ADAMTS2: variants seen among roughly 807,000 people sequenced by gnomAD.
ADAMTS2 encodes the protein ADAM metallopeptidase with thrombospondin type 1 motif 2.
ADAMTS2 carries 50 observed loss-of-function variants against 123.0 expected under a neutral mutation model. That is an observed-to-expected ratio of 0.41 (90% CI 0.32 to 0.51). The LOEUF (loss-of-function observed/expected upper bound fraction) is 0.51, where lower values mean the gene tolerates loss of function less well. ADAMTS2 is among the 20% of genes least tolerant of loss of function. ADAMTS2 has a pLI of 0.35. For missense variants in ADAMTS2, 1,494 were observed against 1,705.2 expected, an observed-to-expected ratio of 0.88 and a Z score of 2.18; for synonymous variants, 678 against 695.4, an observed-to-expected ratio of 0.98 and a Z score of 0.39.
chr5:179,291,195 C>T lies in ADAMTS2; in HGVS notation c.535-18131G>A, dbSNP rs1290742689. ...CACATCAGACAGAATGAGTGCGGGG[C>T]TCTGGGATACAGCTGCCCAAGCCTC... On this transcript the variant is annotated intron_variant, in intron 2 of 21. Transcript: ENST00000251582. Among the ~76,000 whole-genome samples, 3 of 152,198 alleles carry T rather than the reference C, an allele frequency of 2.0e-5. No individual in the cohort carries two copies. The East Asian group carries it at 5.8e-4, about 29-fold the overall frequency.
intron 12 of ADAMTS2, among the ~76,000 whole-genome samples, chr5:179,136,873 G>A (rs1262806981): frequency 6.6e-6 from 1 of 152,030 alleles, no homozygotes; most frequent in Non-Finnish European, 1.5e-5. Context: ...AGGAGGCTGA[G>A]GCAGGAGAAT....
chr5:179,322,048 T>C (rs1479574899), intron 2 of ADAMTS2, among the ~76,000 whole-genome samples: 1 of 152,274 alleles, frequency 6.6e-6, no homozygotes, highest in Non-Finnish European at 1.5e-5. Context: ...TGTCATTAAG[T>C]ATGTTTACAC....
chr5:179,258,112 G>A (rs1345417187), intron 3 of ADAMTS2, among the ~76,000 whole-genome samples: 1 of 152,120 alleles, frequency 6.6e-6, no homozygotes, highest in Non-Finnish European at 1.5e-5. Context: ...CATCCTGGGG[G>A]CTCTGGCCTT....
chr5:179,153,737 C>T (rs1050422316), intron 8 of ADAMTS2, 114 bp from the exon 9 acceptor site: 18 of 1,409,006 alleles, frequency 1.3e-5, no homozygotes, highest in Admixed American at 4.2e-5. Flanking sequence ...CTGCACATCC[C>T]GGCCCCTGGC....
chr5:179,239,096 AATTAT>A (rs1308756630), intron 3 of ADAMTS2, among the ~76,000 whole-genome samples: 3 of 152,166 alleles, frequency 2.0e-5, no homozygotes, highest in Non-Finnish European at 4.4e-5. Flanking sequence ...ATAGTATGTG[AATTAT>A]ATCTCAATAA....
In ADAMTS2 at chr5:179,128,538, G is replaced by T. The variant is rs947361721; in HGVS notation, c.2458-420C>A. The stretch of plus-strand genomic sequence containing the variant: ...CTCCTGAGTAGCTGGGATTACAGGC[G>T]CCCGCCACCACGCCTGGCTAATTTT... On this transcript the variant is annotated intron_variant, in intron 16 of 21. Transcript: ENST00000251582. This position sits in a 1 kb window ranked among gnomAD's most constrained non-coding sequence, Gnocchi z 4.9. 6.6e-6 allele frequency among the ~76,000 whole-genome samples: 1 copy of T among 151,902 alleles called. No homozygotes were observed. Among genetic ancestry groups the T allele is most frequent in the Admixed American group, 6.6e-5 (1 of 15,262 alleles).
At chr5:179,137,703 C>CCG in intron 12 of ADAMTS2, 66 bp downstream of exon 12, 1 of 1,510,068 alleles carries the variant, frequency 6.6e-7, no homozygotes, top group Non-Finnish European at 8.9e-7. Flanking sequence ...GAGGCACAAG[C>CCG]CCCCACCCTG....
At chr5:179,131,432 GT>G (rs1762960057) in intron 15 of ADAMTS2, among the ~76,000 whole-genome samples, 2 of 152,094 alleles carry the variant, frequency 1.3e-5, no homozygotes, top group South Asian at 4.2e-4. Flanking sequence ...GGCATGGTAT[GT>G]TTGTCAGGCA....
At chr5:179,294,092 C>G (rs976210199) in intron 2 of ADAMTS2, among the ~76,000 whole-genome samples, 2 of 152,006 alleles carry the variant, frequency 1.3e-5, no homozygotes, top group African/African-American at 2.4e-5. Context: ...CTCATCTCTA[C>G]AAATAATTTA....
chr5:179,343,717 A>G lies in ADAMTS2; in HGVS notation c.534+50T>C, dbSNP rs2271214. 0.14 allele frequency: 219,397 copies of G among 1,586,838 alleles called. 17,256 individuals carry two copies. The highest frequency in any genetic ancestry group is 0.31 in the East Asian group (13,502 of 43,602). On this transcript the variant is annotated intron_variant, in intron 2 of 21. Transcript: ENST00000251582. ...GACTCCCAGGTAACCCTTTTCCAAAACCCAGGCGAGAGCAGCGGAGAGAAA... is the reference window on the plus strand; with the variant it reads ...GACTCCCAGGTAACCCTTTTCCAAAGCCCAGGCGAGAGCAGCGGAGAGAAA...
chr5:179,212,873 G>A (rs534608300), intron 3 of ADAMTS2, among the ~76,000 whole-genome samples: 3 of 152,144 alleles, frequency 2.0e-5, no homozygotes, highest in Admixed American at 1.3e-4. Flanking sequence ...TCCCCTGTGC[G>A]AAGCTCAGTC....
Position 179,130,216 on chromosome 5 carries a change from G to A in ADAMTS2, c.2291-118C>T. The A allele has an allele frequency of 7.6e-7, 1 of 1,311,764 alleles. No homozygotes were observed. The highest frequency in any genetic ancestry group is 1.1e-6 in the Non-Finnish European group (1 of 929,164). 81.3% of individuals were successfully genotyped at this position (1,311,764 alleles called of 1,614,324 possible). On this transcript the variant is annotated intron_variant, in intron 15 of 21. Coordinates refer to ENST00000251582, the MANE Select transcript of ADAMTS2 (RefSeq NM_014244.5). The surrounding 1 kb of genome is among the most constrained non-coding windows in gnomAD (Gnocchi z 4.3). ...AGCTGGACCCCTTGTCTCTCTGGCTGCCCCCGGCCAGTTTCCTCTGTGCCA... is the reference window on the plus strand; with the variant it reads ...AGCTGGACCCCTTGTCTCTCTGGCTACCCCCGGCCAGTTTCCTCTGTGCCA...
At chr5:179,194,577 C>T (rs929154440) in intron 4 of ADAMTS2, among the ~76,000 whole-genome samples, 4 of 152,054 alleles carry the variant, frequency 2.6e-5, no homozygotes, top group African/African-American at 9.7e-5. Context: ...TGAGAACCCG[C>T]GGAGCATGCT....
At chr5:179,315,579 G>A (rs1485339591) in intron 2 of ADAMTS2, among the ~76,000 whole-genome samples, 6 of 152,358 alleles carry the variant, frequency 3.9e-5, no homozygotes, top group African/African-American at 1.4e-4. Context: ...CACCTCCGGG[G>A]ACACGAGCTG....
At chr5:179,320,851 T>G (rs1172928339) in intron 2 of ADAMTS2, among the ~76,000 whole-genome samples, 1 of 152,138 alleles carries the variant, frequency 6.6e-6, no homozygotes, top group African/African-American at 2.4e-5. Flanking sequence ...TTCCCCCGGG[T>G]TGTTGCCCTG....
chr5:179,289,243 A>G (rs1190046607), intron 2 of ADAMTS2, among the ~76,000 whole-genome samples: 1 of 152,204 alleles, frequency 6.6e-6, no homozygotes, highest in Non-Finnish European at 1.5e-5. Flanking sequence ...TTCGGTGGTC[A>G]AATCTGGGGC....
chr5:179,312,199 G>A lies in ADAMTS2; in HGVS notation c.534+31568C>T, dbSNP rs115007431. Among the ~76,000 whole-genome samples, 498 of 152,262 alleles carry A rather than the reference G, an allele frequency of 3.3e-3. 4 individuals are homozygous for A. The highest frequency in any genetic ancestry group is 0.011 in the African/African-American group (459 of 41,536). ...TGGCAAAAAAGAACTTTGTAGATGCGGTGAGTCCAAGGATCCTGAGATGGA... is the reference window on the plus strand; with the variant it reads ...TGGCAAAAAAGAACTTTGTAGATGCAGTGAGTCCAAGGATCCTGAGATGGA... On this transcript the variant is annotated intron_variant, in intron 2 of 21. Coordinates refer to ENST00000251582, the MANE Select transcript of ADAMTS2 (RefSeq NM_014244.5). The surrounding 1 kb of genome is among the most constrained non-coding windows in gnomAD (Gnocchi z 4.2).
rs1047967756 is a variant in ADAMTS2, at chr5:179,308,869, G to A, written c.534+34898C>T. ...GAGCCAGACAGCCACTGAAGCCCTCGGGGTACTGTTCCCTGCCTTTAGCAT... is the reference window on the plus strand; with the variant it reads ...GAGCCAGACAGCCACTGAAGCCCTCAGGGTACTGTTCCCTGCCTTTAGCAT... On this transcript the variant is annotated intron_variant, in intron 2 of 21. Coordinates refer to ENST00000251582, the MANE Select transcript of ADAMTS2 (RefSeq NM_014244.5). The surrounding 1 kb of genome is among the most constrained non-coding windows in gnomAD (Gnocchi z 6.6). 2.0e-5 allele frequency among the ~76,000 whole-genome samples: 3 copies of A among 152,160 alleles called. No individual in the cohort carries two copies. The highest frequency in any genetic ancestry group is 2.9e-5 in the Non-Finnish European group (2 of 68,022).
rs1442409941 is a variant in ADAMTS2 at position 179,234,262 on chromosome 5, C to A, written c.689-26547G>T. 6.6e-6 allele frequency among the ~76,000 whole-genome samples: 1 copy of A among 152,144 alleles called. No homozygotes were observed. Among genetic ancestry groups the A allele is most frequent in the Non-Finnish European group, 1.5e-5 (1 of 68,006 alleles). ...TCTGTGGGGGATTCCTGCTGCTCTG[C>A]CTGAATTCACCCAGGTGGGCAGTCC... On this transcript the variant is annotated intron_variant, in intron 3 of 21. Coordinates refer to ENST00000251582, the MANE Select transcript of ADAMTS2 (RefSeq NM_014244.5). This position sits in a 1 kb window ranked among gnomAD's most constrained non-coding sequence, Gnocchi z 4.7.
Sources: gnomAD v4.1 joint callset for allele counts (sites outside exome capture counted in the v4.1 genomes callset) on GRCh38, gnomAD v4.1.1 for gene constraint, Gnocchi (gnomAD v3.1) non-coding constraint, MANE v1.5 for transcripts, NCBI Gene and HGNC (gene_info 2026-07-23, HGNC 2026-07-21) for gene names.